The following GRID2 variants were observed in gnomAD, a reference collection of about 807,000 sequenced individuals.
The protein encoded by GRID2 is glutamate ionotropic receptor delta type subunit 2.
Under a neutral mutation model 114.8 loss-of-function variants are expected in GRID2, and 33 were observed. That is an observed-to-expected ratio of 0.29 (90% CI 0.22 to 0.38). The LOEUF (loss-of-function observed/expected upper bound fraction) is 0.38, where lower values mean the gene tolerates loss of function less well. GRID2 is among the 10% of genes least tolerant of loss of function. The pLI, the probability that GRID2 is intolerant of heterozygous loss-of-function variation, is 1.00. For missense variants in GRID2, 1,184 were observed against 1,257.7 expected (o/e 0.94, Z 0.89); for synonymous variants, 505 against 449.9 (o/e 1.12, Z -1.55).
intron 2 of GRID2, among the ~76,000 whole-genome samples, chr4:92,900,514 T>C (rs1050512334): frequency 1.3e-5 from 2 of 152,144 alleles, no homozygotes; most frequent in Non-Finnish European, 2.9e-5. Flanking sequence ...TCAATTTCTG[T>C]TTCTGAGTTA....
chr4:92,524,084 G>C (rs1402469514), intron 1 of GRID2, among the ~76,000 whole-genome samples: 2 of 152,024 alleles, frequency 1.3e-5, no homozygotes, highest in African/African-American at 4.8e-5. Flanking sequence ...GAGGAAGAAA[G>C]TCAAGGAAAA....
intron 8 of GRID2, among the ~76,000 whole-genome samples, chr4:93,281,872 T>C (rs988595261): frequency 1.3e-5 from 2 of 151,992 alleles, no homozygotes; most frequent in Admixed American, 6.6e-5. Flanking sequence ...TACAACCCTC[T>C]AGAAAATTAA....
chr4:93,266,707 G>A (rs567067040), intron 8 of GRID2, among the ~76,000 whole-genome samples: 2 of 152,212 alleles, frequency 1.3e-5, no homozygotes, highest in East Asian at 3.9e-4. Context: ...TTATCAACTG[G>A]AATCCTTTTC....
chr4:93,236,247 C>T (rs66942428), intron 7 of GRID2, among the ~76,000 whole-genome samples: 27,098 of 151,606 alleles, frequency 0.18, 3,296 homozygotes, highest in African/African-American at 0.34. Context: ...GAGCACATAC[C>T]GGAATAGATT....
At chr4:93,165,946 C>T (rs1347499427) in intron 4 of GRID2, 1 of 152,048 alleles carries the variant, frequency 6.6e-6, no homozygotes, top group Non-Finnish European at 1.5e-5. Flanking sequence ...TGTTACAATA[C>T]TAGGAGTGGA....
At chr4:92,859,613 TCA>T (rs1371084493) in intron 2 of GRID2, among the ~76,000 whole-genome samples, 1 of 152,202 alleles carries the variant, frequency 6.6e-6, no homozygotes, top group Non-Finnish European at 1.5e-5. Flanking sequence ...ATTTCCAGAT[TCA>T]CCTTGTAAAA....
chr4:93,019,439 T>C (rs1299855301), intron 2 of GRID2, among the ~76,000 whole-genome samples: 1 of 152,234 alleles, frequency 6.6e-6, no homozygotes, highest in Admixed American at 6.5e-5. Flanking sequence ...AGGTGACTCT[T>C]ATTTAACCAA....
intron 8 of GRID2, among the ~76,000 whole-genome samples, chr4:93,352,844 A>T (rs984324674): frequency 2.0e-5 from 3 of 152,006 alleles, no homozygotes; most frequent in Non-Finnish European, 4.4e-5. Flanking sequence ...AGATGCTTGG[A>T]CCAAAGCTTG....
At chr4:93,207,590 T>C (rs1257654346) in intron 5 of GRID2, 133 bp downstream of exon 5, 1 of 616,448 alleles carries the variant, frequency 1.6e-6, no homozygotes, top group Middle Eastern at 3.0e-4. Context: ...GAGTGAATGC[T>C]GTTTAACAAA....
intron 8 of GRID2, among the ~76,000 whole-genome samples, chr4:93,383,655 A>T (rs1764066475): frequency 6.6e-6 from 1 of 152,114 alleles, no homozygotes; most frequent in Non-Finnish European, 1.5e-5. Context: ...ACCAGCTGTA[A>T]TTCTAATTTT....
At chr4:93,495,699 G>A (rs540007834) in intron 12 of GRID2, among the ~76,000 whole-genome samples, 1 of 151,796 alleles carries the variant, frequency 6.6e-6, no homozygotes, top group East Asian at 1.9e-4. Flanking sequence ...CAATTAACTA[G>A]TATGTCTCTA....
intron 1 of GRID2, among the ~76,000 whole-genome samples, chr4:92,313,429 C>A (rs1463540098): frequency 1.3e-5 from 2 of 151,634 alleles, no homozygotes; most frequent in African/African-American, 4.8e-5. Flanking sequence ...AAGAAACTTA[C>A]TTATGTAACC....
At chr4:93,409,042 T>C (rs905539949) in intron 9 of GRID2, among the ~76,000 whole-genome samples, 2 of 152,190 alleles carry the variant, frequency 1.3e-5, no homozygotes, top group African/African-American at 4.8e-5. Context: ...AAAATAATTA[T>C]GTACCTTGTT....
At chr4:93,388,054 A>T in intron 8 of GRID2, among the ~76,000 whole-genome samples, 1 of 152,182 alleles carries the variant, frequency 6.6e-6, no homozygotes, top group East Asian at 1.9e-4. Context: ...TATCATACAA[A>T]ATATATATTT....
intron 2 of GRID2, among the ~76,000 whole-genome samples, chr4:92,798,250 C>A (rs940615588): frequency 2.6e-5 from 4 of 151,944 alleles, no homozygotes; most frequent in Non-Finnish European, 4.4e-5. Flanking sequence ...TGCCTAATAT[C>A]TAATAACTGT....
At chr4:92,706,916 C>T (rs1468400592) in intron 2 of GRID2, among the ~76,000 whole-genome samples, 1 of 152,000 alleles carries the variant, frequency 6.6e-6, no homozygotes, top group Non-Finnish European at 1.5e-5. Context: ...ATTACTAATT[C>T]CAGTCATCAT....
intron 2 of GRID2, among the ~76,000 whole-genome samples, chr4:93,011,566 C>CTTAG (rs1352993105): frequency 2.0e-5 from 3 of 152,034 alleles, no homozygotes; most frequent in Non-Finnish European, 4.4e-5. Flanking sequence ...AAAATACTTA[C>CTTAG]CATTTCAGAG....
intron 3 of GRID2, among the ~76,000 whole-genome samples, chr4:93,095,371 A>T (rs1465990433): frequency 6.6e-6 from 1 of 152,018 alleles, no homozygotes; most frequent in Non-Finnish European, 1.5e-5. Flanking sequence ...TTTTTAAAAA[A>T]TACACACAGA....
In GRID2 at chr4:93,492,978, T is replaced by C. The variant is rs114164313; in HGVS notation, c.1997+2201T>C. ...GAGTTTGACTTTTCTAGATTCTACA[T>C]ATAAGTGATATCATATAATATTTGT... On this transcript the variant is annotated intron_variant, in intron 12 of 15. Coordinates refer to ENST00000282020, the MANE Select transcript of GRID2 (RefSeq NM_001510.4). 4.9e-3 allele frequency among the ~76,000 whole-genome samples: 749 copies of C among 152,022 alleles called. 6 individuals carry two copies. The highest frequency in any genetic ancestry group is 0.017 in the African/African-American group (709 of 41,524).
Sources: gnomAD v4.1 joint callset for allele counts (sites outside exome capture counted in the v4.1 genomes callset) on GRCh38, gnomAD v4.1.1 for gene constraint, MANE v1.5 for transcripts, NCBI Gene and HGNC (gene_info 2026-07-23, HGNC 2026-07-21) for gene names.